The following DDX39A variants were observed in gnomAD, a reference collection of about 807,000 sequenced individuals.
DDX39A encodes the protein ATP-dependent RNA helicase DDX39A.
A neutral mutation model predicts 46.3 loss-of-function variants in DDX39A; 13 were observed. The ratio of observed to expected loss-of-function variants is 0.28; its 90% CI spans 0.18 to 0.45. The LOEUF (loss-of-function observed/expected upper bound fraction) is 0.45, where lower values mean the gene tolerates loss of function less well. Ranked by LOEUF, DDX39A falls within the 20% of genes least tolerant of loss-of-function variation. The pLI is 1.00. For missense variants in DDX39A, 352 were observed against 581.8 expected (o/e 0.61, Z 4.06); for synonymous variants, 234 against 224.6 (o/e 1.04, Z -0.38).
intron 1 of DDX39A, among the ~76,000 whole-genome samples, chr19:14,417,672 A>C (rs1976864844): frequency 6.6e-6 from 1 of 152,150 alleles, no homozygotes; most frequent in Non-Finnish European, 1.5e-5. Flanking sequence ...TCTATGTAGC[A>C]AAGGCTAAAA....
chr19:14,410,021 G>GA lies in DDX39A; in HGVS notation c.733-149dup. 1 of 1,169,082 alleles carries GA rather than the reference G, an allele frequency of 8.6e-7. No individual in the cohort carries two copies. The highest frequency in any genetic ancestry group is 1.3e-6 in the Non-Finnish European group (1 of 790,626). 72.4% of individuals were successfully genotyped at this position (1,169,082 alleles called of 1,614,324 possible). A position where few individuals can be genotyped will look rare whatever the true frequency, so the allele number is the denominator to read the frequency against. On this transcript the variant is annotated intron_variant, in intron 6 of 10. Transcript: ENST00000242776. This position sits in a 1 kb window ranked among gnomAD's most constrained non-coding sequence, Gnocchi z 4.3. ...CTCAGTAAACATCGCTCAAAAGCTG[G>GA]ATGTAAGCTCTGGCCCGACTCAGGT...
In DDX39A at chr19:14,411,251, C is replaced by A. The variant is rs115036849; in HGVS notation, c.430-79G>T. On this transcript the variant is annotated intron_variant, in intron 4 of 10. Coordinates refer to ENST00000242776, the MANE Select transcript of DDX39A (RefSeq NM_005804.4). The surrounding 1 kb of genome is among the most constrained non-coding windows in gnomAD (Gnocchi z 4.1). ...ACCTGCACGGCCCAGCACCTGCGAA[C>A]AGGAGGCCTCAGGGGACCAAGGCAG... The A allele has an allele frequency of 6.9e-4, 1,014 of 1,466,914 alleles. 7 individuals carry two copies. The African/African-American group carries it at 0.013, about 18-fold the overall frequency. The allele number at this position is 1,466,914 out of a possible 1,614,324, so 90.9% of individuals were successfully genotyped here.
rs765614067 is a variant in DDX39A, at chr19:14,412,644, G to A, written c.243C>T (p.Gly81=). ...QHECIPQAIL[G]MDVLCQAKSG... Reference sequence around the variant, plus strand: ...ACTTGGCCTGGCACAGGACGTCCATGCCCAGGATGGCCTGGGGAATGCACT... The same window carrying A: ...ACTTGGCCTGGCACAGGACGTCCATACCCAGGATGGCCTGGGGAATGCACT... Residue 81 remains glycine, a synonymous_variant, in exon 3 of 11, where the codon GGC becomes GGT. Transcript: ENST00000242776. The surrounding 1 kb of genome is among the most constrained non-coding windows in gnomAD (Gnocchi z 4.4). 6.2e-7 allele frequency: 1 copy of A among 1,609,164 alleles called. No homozygotes were observed. Among genetic ancestry groups the A allele is most frequent in the Admixed American group, 1.7e-5 (1 of 60,000 alleles).
chr19:14,412,890 C>T lies in DDX39A; in HGVS notation c.208+123G>A. ...ACAGGCCCCGCTGGGCACAACTGAT[C>T]CGCGGGACAGACGGGCCCCTCCCTC... On this transcript the variant is annotated intron_variant, in intron 2 of 10. Transcript: ENST00000242776. This position sits in a 1 kb window ranked among gnomAD's most constrained non-coding sequence, Gnocchi z 4.4. 3 of 1,309,612 alleles carry T rather than the reference C, an allele frequency of 2.3e-6. No individual in the cohort carries two copies. Among genetic ancestry groups the T allele is most frequent in the African/African-American group, 2.9e-5 (2 of 67,800 alleles). The allele number at this position is 1,309,612 out of a possible 1,614,324, so 81.1% of individuals were successfully genotyped here.
At chr19:14,413,930 A>C (rs1976696560) in intron 1 of DDX39A, 1 of 152,274 alleles carries the variant, frequency 6.6e-6, no homozygotes, top group Admixed American at 6.5e-5. Context: ...TGGGCCAATA[A>C]AAATAAAGCT....
At chr19:14,414,447 G>A (rs1976725174) in intron 1 of DDX39A, among the ~76,000 whole-genome samples, 2 of 149,272 alleles carry the variant, frequency 1.3e-5, no homozygotes, top group Admixed American at 6.7e-5. Context: ...CCACCTCCAG[G>A]GTTCAAGATT....
Position 14,410,311 on chromosome 19 carries a change from TCTC to T in DDX39A, c.634_636del (p.Glu212del). On this transcript the variant is annotated inframe_deletion, in exon 6 of 11. Transcript: ENST00000242776. The surrounding 1 kb of genome is among the most constrained non-coding windows in gnomAD (Gnocchi z 4.3). ...TTCTCGTGTGGTGTCAGGCGGAAGA[TCTC>T]CTGCACATCCCGCCGCATGTCTAGG... The T allele has an allele frequency of 6.2e-7, 1 of 1,613,922 alleles. No individual in the cohort carries two copies. Among genetic ancestry groups the T allele is most frequent in the Middle Eastern group, 1.6e-4 (1 of 6,062 alleles).
intron 1 of DDX39A, among the ~76,000 whole-genome samples, chr19:14,417,987 G>A (rs549544581): frequency 2.6e-5 from 4 of 152,174 alleles, no homozygotes; most frequent in Admixed American, 1.3e-4. Flanking sequence ...TGGGCAACAT[G>A]GTGAAACCCC....
chr19:14,408,901 G>C lies in DDX39A; in HGVS notation c.*35C>G. On this transcript the variant is annotated 3_prime_UTR_variant, in exon 11 of 11. Transcript: ENST00000242776. The stretch of plus-strand genomic sequence containing the variant: ...GAAAGGGGAGGTGAAGCTGCATGCG[G>C]GCGGCTCCGGGTGGGCGGCTCTGGC... The C allele has an allele frequency of 6.4e-7, 1 of 1,559,374 alleles. No homozygotes were observed. The highest frequency in any genetic ancestry group is 8.7e-7 in the Non-Finnish European group (1 of 1,151,522).
rs1304809717 is a variant in DDX39A at position 14,409,811 on chromosome 19, G to A, written c.795C>T (p.Tyr265=). 1.2e-5 allele frequency: 20 copies of A among 1,614,010 alleles called. No homozygotes were observed. The highest frequency in any genetic ancestry group is 3.3e-5 in the Admixed American group (2 of 59,992). ...TCTTCTCACTGTCTTTGAGTTTGACGTAGTACTGCTGCAGGCCGTGCAGCG... is the reference window on the plus strand; with the variant it reads ...TCTTCTCACTGTCTTTGAGTTTGACATAGTACTGCTGCAGGCCGTGCAGCG... ...KLTLHGLQQY[Y]VKLKDSEKNR... is the part of the protein sequence containing the mutation. Residue 265 remains tyrosine (Y), a synonymous_variant, in exon 7 of 11, where the codon TAC becomes TAT. Coordinates refer to ENST00000242776, the MANE Select transcript of DDX39A (RefSeq NM_005804.4). The surrounding 1 kb of genome is among the most constrained non-coding windows in gnomAD (Gnocchi z 8.3).
intron 1 of DDX39A, among the ~76,000 whole-genome samples, chr19:14,417,986 T>C (rs1422845451): frequency 6.6e-6 from 1 of 151,900 alleles, no homozygotes; most frequent in Non-Finnish European, 1.5e-5. Context: ...CTGGGCAACA[T>C]GGTGAAACCC....
chr19:14,419,114 C>G (rs976942882), intron 1 of DDX39A, 156 bp downstream of exon 1: 2 of 400,722 alleles, frequency 5.0e-6, no homozygotes, highest in Admixed American at 6.4e-5. Flanking sequence ...TGCCCAACGG[C>G]CAACACACAG....
At chr19:14,419,233 C>T (rs1202419375) in intron 1 of DDX39A, 37 bp downstream of exon 1, 1 of 272,600 alleles carries the variant, frequency 3.7e-6, no homozygotes. Context: ...TCAGACGTCC[C>T]CACACCGCGG....
chr19:14,413,145 TGCTCTCTTGAGGAGCCTGGG>T lies in DDX39A; in HGVS notation c.56_75del (p.Pro19HisfsTer6). On this transcript the variant is annotated frameshift_variant, in exon 2 of 11. Coordinates refer to ENST00000242776, the MANE Select transcript of DDX39A (RefSeq NM_005804.4). LOFTEE classifies it high-confidence loss of function. ...ATGTCTTTCTTAGGGGGAGCTGGTG[TGCTCTCTTGAGGAGCCTGGG>T]GCTCTTCCTCTTCATCGTAATCCAA... The T allele has an allele frequency of 6.2e-7, 1 of 1,614,124 alleles. No individual in the cohort carries two copies. The highest frequency in any genetic ancestry group is 8.5e-7 in the Non-Finnish European group (1 of 1,180,008).
intron 1 of DDX39A, among the ~76,000 whole-genome samples, chr19:14,416,756 A>C (rs527512627): frequency 1.3e-5 from 2 of 152,274 alleles, no homozygotes; most frequent in Non-Finnish European, 2.9e-5. Context: ...GTGCAATCAT[A>C]GCTCACTGGA....
In DDX39A at chr19:14,412,265, G is replaced by A. The variant is rs866808516; in HGVS notation, c.336+286C>T. 4 of 366,850 alleles carry A rather than the reference G, an allele frequency of 1.1e-5. No homozygotes were observed. The highest frequency in any genetic ancestry group is 8.3e-5 in the African/African-American group (4 of 48,286). The allele number at this position is 366,850 out of a possible 1,614,324, so 22.7% of individuals were successfully genotyped here. On this transcript the variant is annotated intron_variant, in intron 3 of 10. Coordinates refer to ENST00000242776, the MANE Select transcript of DDX39A (RefSeq NM_005804.4). This position sits in a 1 kb window ranked among gnomAD's most constrained non-coding sequence, Gnocchi z 4.4. ...GGCAAAACAGCAACGATGCCTCTGGGGCAAGGGGCAAACTGTGGGCACTTT... is the reference window on the plus strand; with the variant it reads ...GGCAAAACAGCAACGATGCCTCTGGAGCAAGGGGCAAACTGTGGGCACTTT...
Position 14,412,513 on chromosome 19 carries a change from C to G in DDX39A, c.336+38G>C. ...CCAGCCTACTCTACTTCCGCCGCCA[C>G]AGGCAGGGTGGGGCCAGGAAGGGAG... On this transcript the variant is annotated intron_variant, in intron 3 of 10. Transcript: ENST00000242776. This position sits in a 1 kb window ranked among gnomAD's most constrained non-coding sequence, Gnocchi z 4.4. 2 of 1,592,182 alleles carry G rather than the reference C, an allele frequency of 1.3e-6. No individual in the cohort carries two copies. Among genetic ancestry groups the G allele is most frequent in the Non-Finnish European group, 1.7e-6 (2 of 1,173,592 alleles).
intron 1 of DDX39A, among the ~76,000 whole-genome samples, chr19:14,417,819 T>C (rs1013079787): frequency 4.6e-5 from 7 of 152,122 alleles, no homozygotes; most frequent in Non-Finnish European, 1.0e-4. Context: ...GATGGCGCCA[T>C]GGCATTCCAG....
Position 14,412,488 on chromosome 19 carries a change from C to G in DDX39A, c.336+63G>C. ...GGCTAACAGGTGTGAGCCACCCCAT[C>G]CAGCCTACTCTACTTCCGCCGCCAC... On this transcript the variant is annotated intron_variant, in intron 3 of 10. Coordinates refer to ENST00000242776, the MANE Select transcript of DDX39A (RefSeq NM_005804.4). This position sits in a 1 kb window ranked among gnomAD's most constrained non-coding sequence, Gnocchi z 4.4. The G allele has an allele frequency of 6.4e-7, 1 of 1,564,046 alleles. No individual in the cohort carries two copies. Among genetic ancestry groups the G allele is most frequent in the South Asian group, 1.2e-5 (1 of 85,940 alleles).
Sources: allele counts gnomAD v4.1 joint callset (sites outside exome capture counted in the v4.1 genomes callset), GRCh38; gene constraint gnomAD v4.1.1; non-coding constraint Gnocchi (gnomAD v3.1); transcripts MANE v1.5; gene names NCBI Gene and HGNC (gene_info 2026-07-23, HGNC 2026-07-21).